Variants in ZNF664 observed in about 807,000 individuals in gnomAD.
ZNF664 encodes zinc finger protein 664, also known as zinc finger Organ of Corti 1.
A neutral mutation model predicts 18.2 loss-of-function variants in ZNF664; 10 were observed. The ratio of observed to expected loss-of-function variants is 0.55; its 90% CI spans 0.34 to 0.93. The LOEUF is 0.93. Among genes scored for constraint, ZNF664 ranks in the 40% least tolerant of loss-of-function variants. The pLI, the probability that ZNF664 is intolerant of heterozygous loss-of-function variation, is 0.02. For synonymous variants in ZNF664, 119 were observed against 104.2 expected, an observed-to-expected ratio of 1.14 and a Z score of -0.86; for missense variants, 193 against 319.0, an observed-to-expected ratio of 0.61 and a Z score of 3.01.
rs1383078185 is a variant in ZNF664, at chr12:124,013,702, G to T, written c.*772G>T. 1.2e-5 allele frequency: 2 copies of T among 167,056 alleles called. No homozygotes were observed. The highest frequency in any genetic ancestry group is 3.8e-4 in the East Asian group (2 of 5,198). 10.3% of individuals were successfully genotyped at this position (167,056 alleles called of 1,614,324 possible). On this transcript the variant is annotated 3_prime_UTR_variant, in exon 5 of 5. Coordinates refer to ENST00000337815, the MANE Select transcript of ZNF664 (RefSeq NM_152437.3). ...TTTTGGAAATAGCTGAATGTAAATA[G>T]CAGGGAGGAAGAAGCAAGCAAAGTG...
At position 124,013,559 on chromosome 12, in the gene ZNF664, A is replaced by G. The variant is rs577604577; in HGVS notation, c.*629A>G. 5.9e-6 allele frequency: 1 copy of G among 168,802 alleles called. No individual in the cohort carries two copies. The highest frequency in any genetic ancestry group is 6.4e-5 in the Admixed American group (1 of 15,586). 10.5% of individuals were successfully genotyped at this position (168,802 alleles called of 1,614,324 possible). A position where few individuals can be genotyped will look rare whatever the true frequency, so the allele number is the denominator to read the frequency against. ...TTCCCATTCACTTAGCCTATCAGAA[A>G]AGTCATTGGCAGACATATATGTCCT... On this transcript the variant is annotated 3_prime_UTR_variant, in exon 5 of 5. Coordinates refer to ENST00000337815, the MANE Select transcript of ZNF664 (RefSeq NM_152437.3).
chr12:124,007,431 A>G (rs1023220980), intron 3 of ZNF664, among the ~76,000 whole-genome samples: 2 of 152,212 alleles, frequency 1.3e-5, no homozygotes, highest in African/African-American at 2.4e-5. Context: ...CTTGCCAGGC[A>G]AAAGAGCAGA....
chr12:123,979,836 T>TAC (rs1956741368), intron 2 of ZNF664, among the ~76,000 whole-genome samples: 1 of 151,890 alleles, frequency 6.6e-6, no homozygotes, highest in South Asian at 2.1e-4. Context: ...CACACACCAC[T>TAC]ACACCTGGCT....
At chr12:123,986,931 C>T (rs1473773778) in intron 2 of ZNF664, among the ~76,000 whole-genome samples, 1 of 152,166 alleles carries the variant, frequency 6.6e-6, no homozygotes, top group Admixed American at 6.5e-5. Flanking sequence ...AACCTTTATT[C>T]CCACAGAGAA....
rs555763140 is a variant in ZNF664, at chr12:124,004,256, T to A, written c.-660-7125T>A. Among the ~76,000 whole-genome samples the A allele has an allele frequency of 3.3e-5, 5 of 151,932 alleles. No individual in the cohort carries two copies. The East Asian group carries it at 9.7e-4, about 29-fold the overall frequency. On this transcript the variant is annotated intron_variant, in intron 3 of 4. Transcript: ENST00000337815. ...GGTGAACCTGGGTGGAGGGAGGGCA[T>A]AAGGAACCCAAGCCAGCATGGAAGC...
chr12:123,984,320 CA>C (rs1956800072), intron 2 of ZNF664, among the ~76,000 whole-genome samples: 1 of 152,052 alleles, frequency 6.6e-6, no homozygotes, highest in Non-Finnish European at 1.5e-5. Context: ...GGATAAAGAA[CA>C]AAAAGTGCCC....
intron 3 of ZNF664, among the ~76,000 whole-genome samples, chr12:123,993,800 A>G (rs572966373): frequency 6.6e-6 from 1 of 151,118 alleles, no homozygotes; most frequent in East Asian, 1.9e-4. Context: ...TTGCCAAATT[A>G]GAATTTGATG....
Position 124,013,917 on chromosome 12 carries a change from G to A in ZNF664, c.*987G>A, listed in dbSNP as rs150261024. ...CCCCTTCATTGATTACTGTGTATCA[G>A]TTCTTTGTTAGGCATGAACGTCTTT... is the stretch of plus-strand genomic sequence containing the variant. On this transcript the variant is annotated 3_prime_UTR_variant, in exon 5 of 5. Transcript: ENST00000337815. The A allele has an allele frequency of 5.8e-4, 97 of 167,196 alleles. No homozygotes were observed. Among genetic ancestry groups the A allele is most frequent in the African/African-American group, 2.3e-3 (96 of 41,568 alleles). The allele number at this position is 167,196 out of a possible 1,614,324, so 10.4% of individuals were successfully genotyped here. A position where few individuals can be genotyped will look rare whatever the true frequency, so the allele number is the denominator to read the frequency against.
intron 2 of ZNF664, among the ~76,000 whole-genome samples, chr12:123,976,941 G>C (rs1286089522): frequency 6.6e-6 from 1 of 152,066 alleles, no homozygotes; most frequent in East Asian, 1.9e-4. Flanking sequence ...TTAGCTGGGC[G>C]TGGTGGCAGG....
At position 123,973,296 on chromosome 12, in the gene ZNF664, A is replaced by G. The variant is rs1436773574; in HGVS notation, c.-948A>G. On this transcript the variant is annotated 5_prime_UTR_variant, in exon 1 of 5. Coordinates refer to ENST00000337815, the MANE Select transcript of ZNF664 (RefSeq NM_152437.3). ...GCGCACCTGTGAGGTGTCCCTGAGG[A>G]GAGGGAGGTGGGTGCGCGGCGCCCG... 1 of 981,266 alleles carries G rather than the reference A, an allele frequency of 1.0e-6. No homozygotes were observed. Among genetic ancestry groups the G allele is most frequent in the Non-Finnish European group, 1.2e-6 (1 of 828,988 alleles). The allele number at this position is 981,266 out of a possible 1,614,324, so 60.8% of individuals were successfully genotyped here. A position where few individuals can be genotyped will look rare whatever the true frequency, so the allele number is the denominator to read the frequency against.
intron 3 of ZNF664, among the ~76,000 whole-genome samples, chr12:123,992,847 T>C (rs1956904305): frequency 6.6e-6 from 1 of 152,188 alleles, no homozygotes; most frequent in African/African-American, 2.4e-5. Flanking sequence ...TGTGGAGGAT[T>C]TGACCACAGA....
chr12:123,988,499 C>T (rs889924895), intron 3 of ZNF664, among the ~76,000 whole-genome samples: 2 of 152,060 alleles, frequency 1.3e-5, no homozygotes, highest in Admixed American at 1.3e-4. Flanking sequence ...CTCATGCCAC[C>T]CTTTGTCTTT....
intron 2 of ZNF664, 62 bp downstream of exon 2, chr12:123,974,082 C>T (rs1956646003): frequency 1.8e-6 from 2 of 1,129,530 alleles, no homozygotes; most frequent in South Asian, 4.5e-5. Context: ...GCGTTCTCAC[C>T]CCTTCCAGGA....
At chr12:123,992,044 C>A (rs922053016) in intron 3 of ZNF664, among the ~76,000 whole-genome samples, 7 of 152,192 alleles carry the variant, frequency 4.6e-5, no homozygotes, top group Non-Finnish European at 7.3e-5. Context: ...TGAAGCATAT[C>A]TTCCCTATAG....
chr12:123,980,059 A>G (rs2138327541), intron 2 of ZNF664, among the ~76,000 whole-genome samples: 1 of 152,306 alleles, frequency 6.6e-6, no homozygotes, highest in South Asian at 2.1e-4. Flanking sequence ...TATACTGTTG[A>G]GCCAAAAAAG....
rs761256816 is a variant in ZNF664, at chr12:124,008,669, ATC to A, written c.-660-2706_-660-2705del. On this transcript the variant is annotated intron_variant, in intron 3 of 4. Coordinates refer to ENST00000337815, the MANE Select transcript of ZNF664 (RefSeq NM_152437.3). ...TTTGTTCAGTGCCTTGGGTCTCTCC[ATC>A]TCTCTGCCTGCCTGTCTGTCTCTTT... Among the ~76,000 whole-genome samples, 10 of 152,102 alleles carry A rather than the reference ATC, an allele frequency of 6.6e-5. No individual in the cohort carries two copies. In the East Asian group the frequency reaches 7.7e-4, roughly 12 times the overall value.
intron 3 of ZNF664, among the ~76,000 whole-genome samples, chr12:123,999,558 T>C (rs1956987704): frequency 6.6e-6 from 1 of 152,168 alleles, no homozygotes. Context: ...GACAAAGTAA[T>C]TGTATAGTTA....
chr12:123,994,320 G>T (rs1330336192), intron 3 of ZNF664, among the ~76,000 whole-genome samples: 1 of 152,126 alleles, frequency 6.6e-6, no homozygotes, highest in Non-Finnish European at 1.5e-5. Context: ...GTTTATGTGG[G>T]TTGCAGGCTT....
rs1336773356 is a variant in ZNF664, at chr12:123,973,970, C to T, written c.-807C>T. 279 of 1,231,758 alleles carry T rather than the reference C, an allele frequency of 2.3e-4. No individual in the cohort carries two copies. The African/African-American group carries it at 4.0e-3, about 18-fold the overall frequency. The allele number at this position is 1,231,758 out of a possible 1,614,324, so 76.3% of individuals were successfully genotyped here. A position where few individuals can be genotyped will look rare whatever the true frequency, so the allele number is the denominator to read the frequency against. On this transcript the variant is annotated 5_prime_UTR_variant, in exon 2 of 5. Transcript: ENST00000337815. ...CGCACCCAGCGCAGAAGGCTGCTGCCGCCGGACGCCTCCATTGTTTGACCA... is the reference window on the plus strand; with the variant it reads ...CGCACCCAGCGCAGAAGGCTGCTGCTGCCGGACGCCTCCATTGTTTGACCA...
Sources: allele counts gnomAD v4.1 joint callset (sites outside exome capture counted in the v4.1 genomes callset), GRCh38; gene constraint gnomAD v4.1.1; transcripts MANE v1.5; gene names NCBI Gene and HGNC (gene_info 2026-07-23, HGNC 2026-07-21).